The following TFEC variants were observed in gnomAD, a reference collection of about 807,000 sequenced individuals.
TFEC encodes the protein transcription factor EC.
In TFEC, 31 loss-of-function variants were observed where a neutral mutation model predicts 41.6. That is an observed-to-expected ratio of 0.74 (90% CI 0.56 to 1.01). The LOEUF is 1.01. Among genes scored for constraint, TFEC ranks in the 50% least tolerant of loss-of-function variants. The pLI is 0.00. For missense variants in TFEC, 402 were observed against 404.1 expected (o/e 0.99, Z 0.04); for synonymous variants, 143 against 140.6 (o/e 1.02, Z -0.12).
At chr7:116,101,188 G>GCC (rs150112321) in intron 3 of TFEC, among the ~76,000 whole-genome samples, 127 of 109,876 alleles carry the variant, frequency 1.2e-3, no homozygotes, top group Non-Finnish European at 1.5e-3. Context: ...CCACTTTCAT[G>GCC]CCCCCCCCCA....
At chr7:116,076,284 G>T (rs1796958807) in intron 3 of TFEC, among the ~76,000 whole-genome samples, 1 of 152,096 alleles carries the variant, frequency 6.6e-6, no homozygotes, top group African/African-American at 2.4e-5. Context: ...TAGCCCTTGA[G>T]TACCAGATTT....
intron 3 of TFEC, among the ~76,000 whole-genome samples, chr7:116,109,215 T>C (rs1170174983): frequency 1.3e-5 from 2 of 151,828 alleles, no homozygotes; most frequent in Non-Finnish European, 2.9e-5. Flanking sequence ...AAGCCAAAAT[T>C]GACAAATGGG....
intron 1 of TFEC, among the ~76,000 whole-genome samples, chr7:116,019,343 T>G (rs1322060052): frequency 6.6e-6 from 1 of 152,200 alleles, no homozygotes; most frequent in Non-Finnish European, 1.5e-5. Flanking sequence ...TCACAAAAGA[T>G]TTATTGGTAA....
intron 1 of TFEC, among the ~76,000 whole-genome samples, chr7:116,012,009 C>T (rs1251940995): frequency 6.6e-6 from 1 of 152,088 alleles, no homozygotes; most frequent in African/African-American, 2.4e-5. Flanking sequence ...CCTCTTTCTT[C>T]GTAAATGACC....
intron 2 of TFEC, among the ~76,000 whole-genome samples, chr7:115,981,639 G>C (rs1036602243): frequency 2.0e-5 from 3 of 152,212 alleles, no homozygotes; most frequent in African/African-American, 7.2e-5. Context: ...AATGTAGCAT[G>C]TGCTGTGAGA....
In TFEC at chr7:116,110,681, C is replaced by T. The variant is rs562504995; in HGVS notation, c.198+27G>A. ...AGTTACTATACTTACTTAGAAATTA[C>T]GGCTGTATATGTATACAGATACATA... On this transcript the variant is annotated intron_variant, in intron 3 of 8. Coordinates refer to the TFEC transcript ENST00000484212. 3.6e-4 allele frequency: 458 copies of T among 1,268,326 alleles called. No homozygotes were observed. In the African/African-American group the frequency reaches 5.7e-3, roughly 16 times the overall value. 78.6% of individuals were successfully genotyped at this position (1,268,326 alleles called of 1,614,324 possible). A position where few individuals can be genotyped will look rare whatever the true frequency, so the allele number is the denominator to read the frequency against.
At chr7:115,947,146 C>A (rs1791633198) in intron 6 of TFEC, among the ~76,000 whole-genome samples, 2 of 147,092 alleles carry the variant, frequency 1.4e-5, no homozygotes, top group African/African-American at 5.0e-5. Context: ...GTTCAATTCC[C>A]ACCTATGAGT....
intron 1 of TFEC, chr7:116,157,357 G>A (rs1025863829): frequency 6.6e-6 from 1 of 150,820 alleles, no homozygotes; most frequent in African/African-American, 2.5e-5. Context: ...CAGTTAACAT[G>A]GTCCTAGATG....
chr7:116,110,709 C>G, exon 3 of TFEC: 2 of 1,501,064 alleles, frequency 1.3e-6, no homozygotes, highest in Non-Finnish European at 1.8e-6. Context: ...GATACATACC[C>G]TGGTAAAGGA....
chr7:115,992,140 G>A (rs1221981226), intron 1 of TFEC, among the ~76,000 whole-genome samples: 1 of 152,156 alleles, frequency 6.6e-6, no homozygotes, highest in African/African-American at 2.4e-5. Context: ...CAGAAATAAA[G>A]ATGTTCTTTG....
At chr7:115,960,614 T>A (rs1403640084) in intron 3 of TFEC, among the ~76,000 whole-genome samples, 5 of 151,478 alleles carry the variant, frequency 3.3e-5, no homozygotes, top group African/African-American at 1.2e-4. Context: ...GTGGTAAGAA[T>A]GTATTAAGGA....
upstream of TFEC, among the ~76,000 whole-genome samples, chr7:116,031,707 T>G (rs566495868): frequency 8.7e-4 from 132 of 152,296 alleles, no homozygotes; most frequent in African/African-American, 3.1e-3. Context: ...CATTTGTGTT[T>G]GTCAAGAAGT....
intron 2 of TFEC, among the ~76,000 whole-genome samples, chr7:115,978,921 C>A (rs2130637116): frequency 6.6e-6 from 1 of 152,252 alleles, no homozygotes; most frequent in African/African-American, 2.4e-5. Context: ...TCACTGTATT[C>A]AGGTTCTCAA....
chr7:116,079,865 A>G (rs1365172372), intron 3 of TFEC, among the ~76,000 whole-genome samples: 4 of 152,134 alleles, frequency 2.6e-5, no homozygotes, highest in Admixed American at 6.6e-5. Context: ...AAGAGCCTGC[A>G]TAAGCAAAGC....
chr7:116,118,918 ACTAT>A (rs986319116), intron 1 of TFEC, among the ~76,000 whole-genome samples: 13 of 151,960 alleles, frequency 8.6e-5, no homozygotes, highest in Admixed American at 2.6e-4. Flanking sequence ...TAATAAAATA[ACTAT>A]CTGTGTCAAA....
chr7:115,997,918 A>G (rs1794432280), intron 1 of TFEC, among the ~76,000 whole-genome samples: 1 of 152,088 alleles, frequency 6.6e-6, no homozygotes, highest in Non-Finnish European at 1.5e-5. Context: ...GGACAAAAGG[A>G]AAAAGAATAA....
intron 1 of TFEC, among the ~76,000 whole-genome samples, chr7:115,993,750 G>C (rs1413684512): frequency 1.3e-5 from 2 of 152,146 alleles, no homozygotes; most frequent in Non-Finnish European, 2.9e-5. Flanking sequence ...TGGATAGGAA[G>C]AATCAATATC....
chr7:116,030,894 C>T (rs1795763975), upstream of TFEC: 2 of 893,440 alleles, frequency 2.2e-6, no homozygotes, highest in African/African-American at 1.8e-5. Flanking sequence ...CAAGTTAAGA[C>T]GACTTCCTTT....
At chr7:115,940,960 A>T (rs897085025) in intron 7 of TFEC, 29 bp from the exon 8 acceptor site, 1 of 1,533,164 alleles carries the variant, frequency 6.5e-7, no homozygotes, top group Admixed American at 2.1e-5. Flanking sequence ...ATCATTAAAT[A>T]ATGTCTTTGA....
Sources: allele counts gnomAD v4.1 joint callset (sites outside exome capture counted in the v4.1 genomes callset), GRCh38; gene constraint gnomAD v4.1.1; transcripts MANE v1.5; gene names NCBI Gene and HGNC (gene_info 2026-07-23, HGNC 2026-07-21).